The following SEZ6L variants were observed in gnomAD, a reference collection of about 807,000 sequenced individuals.
SEZ6L encodes the protein seizure 6-like protein.
SEZ6L carries 37 observed loss-of-function variants against 106.2 expected under a neutral mutation model. That is an observed-to-expected ratio of 0.35 (90% CI 0.27 to 0.46). The LOEUF is 0.46. SEZ6L is among the 20% of genes least tolerant of loss of function. The pLI is 1.00. For missense variants in SEZ6L, 1,172 were observed against 1,332.8 expected (o/e 0.88, Z 1.88); for synonymous variants, 541 against 570.4 (o/e 0.95, Z 0.73).
chr22:26,289,767 G>A (rs146706475), intron 1 of SEZ6L, among the ~76,000 whole-genome samples: 210 of 152,280 alleles, frequency 1.4e-3, no homozygotes, highest in African/African-American at 4.5e-3. Context: ...CCTCTCCAAC[G>A]ACTGCTGAAA....
At chr22:26,251,140 CT>C (rs1433174621) in intron 1 of SEZ6L, among the ~76,000 whole-genome samples, 1 of 152,144 alleles carries the variant, frequency 6.6e-6, no homozygotes, top group East Asian at 1.9e-4. Context: ...TTCTTTCTTT[CT>C]TTGCCTAGTT....
intron 1 of SEZ6L, among the ~76,000 whole-genome samples, chr22:26,206,567 CA>C (rs1208933155): frequency 3.3e-5 from 5 of 152,198 alleles, no homozygotes; most frequent in African/African-American, 1.2e-4. Context: ...AGCCAGGATT[CA>C]AAACCACAGC....
Position 26,347,616 on chromosome 22 carries a change from A to G in SEZ6L, c.2213-103A>G, listed in dbSNP as rs9625016. On this transcript the variant is annotated intron_variant, in intron 10 of 16. Transcript: ENST00000248933. The stretch of plus-strand genomic sequence containing the variant: ...TTTTGGAAGCGTGTTGCTCATTTCT[A>G]GAGGCTTTTTTTTCTCTTCGCTCAT... 6,427 of 960,530 alleles carry G rather than the reference A, an allele frequency of 6.7e-3. 266 individuals carry two copies. The African/African-American group carries it at 0.096, about 14-fold the overall frequency. The allele number at this position is 960,530 out of a possible 1,614,324, so 59.5% of individuals were successfully genotyped here. A position where few individuals can be genotyped will look rare whatever the true frequency, so the allele number is the denominator to read the frequency against.
At chr22:26,369,671 C>A (rs2083957829) in intron 13 of SEZ6L, among the ~76,000 whole-genome samples, 1 of 151,812 alleles carries the variant, frequency 6.6e-6, no homozygotes, top group South Asian at 2.1e-4. Context: ...ACAAGGGGTC[C>A]TTTTGAAGAG....
chr22:26,345,916 A>G (rs2082992727), intron 10 of SEZ6L, among the ~76,000 whole-genome samples: 1 of 152,250 alleles, frequency 6.6e-6, no homozygotes, highest in South Asian at 2.1e-4. Flanking sequence ...AGACACAGTA[A>G]TAAGCTGTGG....
chr22:26,200,831 A>G (rs1940891630), intron 1 of SEZ6L, among the ~76,000 whole-genome samples: 1 of 151,950 alleles, frequency 6.6e-6, no homozygotes. Flanking sequence ...CACTCCTACA[A>G]TCGCTCTCTG....
intron 1 of SEZ6L, among the ~76,000 whole-genome samples, chr22:26,218,966 A>G (rs2078377649): frequency 6.6e-6 from 1 of 152,154 alleles, no homozygotes; most frequent in African/African-American, 2.4e-5. Flanking sequence ...AGAAACGAAA[A>G]GAAAAAAGAA....
chr22:26,244,650 G>T (rs1450066929), intron 1 of SEZ6L: 1 of 152,246 alleles, frequency 6.6e-6, no homozygotes, highest in African/African-American at 2.4e-5. Context: ...GAGGAGGGAT[G>T]TCAAACTCCA....
intron 12 of SEZ6L, among the ~76,000 whole-genome samples, chr22:26,363,944 C>T (rs1246669116): frequency 1.3e-5 from 2 of 152,154 alleles, no homozygotes; most frequent in Non-Finnish European, 2.9e-5. Flanking sequence ...CACTTACATG[C>T]GATAACTAGA....
chr22:26,180,245 AG>A (rs549546474), intron 1 of SEZ6L, among the ~76,000 whole-genome samples: 2 of 152,210 alleles, frequency 1.3e-5, no homozygotes, highest in Non-Finnish European at 2.9e-5. Flanking sequence ...TCTCATTTTT[AG>A]GATGTGGCTC....
chr22:26,351,334 C>T (rs983973260), intron 12 of SEZ6L, 91 bp downstream of exon 12: 4 of 1,244,360 alleles, frequency 3.2e-6, no homozygotes, highest in Non-Finnish European at 4.5e-6. Context: ...GCTAGGAGGC[C>T]TTCTGCTTTT....
chr22:26,293,197 C>A (rs2081194635), intron 2 of SEZ6L, 51 bp downstream of exon 2: 7 of 1,462,100 alleles, frequency 4.8e-6, no homozygotes, highest in Non-Finnish European at 6.3e-6. Context: ...ATGAGGCACT[C>A]ACTATGTTCA....
intron 10 of SEZ6L, among the ~76,000 whole-genome samples, chr22:26,344,397 C>T (rs374934837): frequency 6.6e-5 from 10 of 152,272 alleles, no homozygotes; most frequent in African/African-American, 1.9e-4. Context: ...GGTTATTTGT[C>T]GTGTGTTTAT....
chr22:26,350,982 T>C (rs1268269802), intron 11 of SEZ6L, 70 bp from the exon 12 acceptor site: 1 of 1,487,408 alleles, frequency 6.7e-7, no homozygotes, highest in African/African-American at 1.4e-5. Flanking sequence ...TAGATCATTC[T>C]GTAATTCTCA....
At chr22:26,215,676 G>A (rs1569387544) in intron 1 of SEZ6L, among the ~76,000 whole-genome samples, 1 of 152,198 alleles carries the variant, frequency 6.6e-6, no homozygotes, top group Admixed American at 6.5e-5. Context: ...ATGAATGAAT[G>A]AAAAGAATTC....
At chr22:26,196,860 C>T (rs1008769733) in intron 1 of SEZ6L, among the ~76,000 whole-genome samples, 1 of 152,148 alleles carries the variant, frequency 6.6e-6, no homozygotes, top group African/African-American at 2.4e-5. Context: ...TCCCAGGTTA[C>T]TGCTTGAGTG....
At chr22:26,249,649 A>G (rs1229395645) in intron 1 of SEZ6L, among the ~76,000 whole-genome samples, 1 of 152,134 alleles carries the variant, frequency 6.6e-6, no homozygotes, top group Non-Finnish European at 1.5e-5. Context: ...GGGAGTGCAG[A>G]TATCTCTTCA....
chr22:26,172,300 T>C (rs1284896374), intron 1 of SEZ6L, among the ~76,000 whole-genome samples: 1 of 152,194 alleles, frequency 6.6e-6, no homozygotes, highest in Non-Finnish European at 1.5e-5. Flanking sequence ...TGGCATTATT[T>C]TCCATAGAGT....
intron 1 of SEZ6L, among the ~76,000 whole-genome samples, chr22:26,179,362 G>A (rs925886050): frequency 6.6e-6 from 1 of 152,152 alleles, no homozygotes; most frequent in African/African-American, 2.4e-5. Flanking sequence ...CTGCACTCTA[G>A]CCTGAGTGAC....
Sources: allele counts gnomAD v4.1 joint callset (sites outside exome capture counted in the v4.1 genomes callset), GRCh38; gene constraint gnomAD v4.1.1; transcripts MANE v1.5; gene names NCBI Gene and HGNC (gene_info 2026-07-23, HGNC 2026-07-21).